Variants in PTK2 observed in about 807,000 individuals in gnomAD.
The protein encoded by PTK2 is focal adhesion kinase 1.
A neutral mutation model predicts 150.1 loss-of-function variants in PTK2; 45 were observed. The observed-to-expected ratio is 0.30, with a 90% CI of 0.24 to 0.38. PTK2 has a LOEUF of 0.38. Among genes scored for constraint, PTK2 ranks in the 10% least tolerant of loss-of-function variants. PTK2 has a pLI of 1.00. For synonymous variants in PTK2, 432 were observed against 449.2 expected (o/e 0.96, Z 0.48); for missense variants, 919 against 1,307.3 (o/e 0.70, Z 4.58).
chr8:140,958,611 T>C (rs772105674), intron 1 of PTK2, among the ~76,000 whole-genome samples: 3 of 152,254 alleles, frequency 2.0e-5, no homozygotes, highest in African/African-American at 4.8e-5. Context: ...TAAGGAGCAC[T>C]TGAAATGTAA....
intron 27 of PTK2, among the ~76,000 whole-genome samples, chr8:140,684,398 C>T (rs891447404): frequency 3.9e-5 from 6 of 152,234 alleles, no homozygotes; most frequent in Admixed American, 1.3e-4. Flanking sequence ...GGCATTAATG[C>T]GGGCTAGCCC....
At chr8:140,723,269 T>C (rs1161798362) in intron 22 of PTK2, among the ~76,000 whole-genome samples, 1 of 152,246 alleles carries the variant, frequency 6.6e-6, no homozygotes, top group African/African-American at 2.4e-5. Context: ...ATAGACACTT[T>C]GATATTTAAT....
intron 12 of PTK2, among the ~76,000 whole-genome samples, chr8:140,795,761 T>C (rs918096684): frequency 2.0e-5 from 3 of 152,230 alleles, no homozygotes; most frequent in Non-Finnish European, 4.4e-5. Flanking sequence ...AAGCATGCAG[T>C]GTTTGGTCTG....
At chr8:140,913,929 A>G (rs2100164188) in intron 2 of PTK2, among the ~76,000 whole-genome samples, 1 of 152,226 alleles carries the variant, frequency 6.6e-6, no homozygotes, top group Non-Finnish European at 1.5e-5. Flanking sequence ...GAGAATAAGA[A>G]CGTGGAAAAT....
At chr8:140,964,866 C>G (rs1311229301) in intron 1 of PTK2, among the ~76,000 whole-genome samples, 3 of 152,076 alleles carry the variant, frequency 2.0e-5, no homozygotes, top group African/African-American at 7.2e-5. Context: ...CTTGCTTGCC[C>G]TTAATGAGTT....
intron 3 of PTK2, among the ~76,000 whole-genome samples, chr8:140,882,948 A>G (rs1373304838): frequency 6.6e-6 from 1 of 152,230 alleles, no homozygotes; most frequent in East Asian, 1.9e-4. Flanking sequence ...TAATCTTATG[A>G]TGATCAATTT....
At chr8:140,693,670 T>G (rs919199988) in intron 26 of PTK2, among the ~76,000 whole-genome samples, 1 of 147,806 alleles carries the variant, frequency 6.8e-6, no homozygotes, top group South Asian at 2.2e-4. Flanking sequence ...GCATCCGGGC[T>G]GCTATCATAA....
At chr8:140,902,933 T>TTTTG (rs1568514334) in intron 2 of PTK2, among the ~76,000 whole-genome samples, 10 of 108,802 alleles carry the variant, frequency 9.2e-5, no homozygotes, top group Non-Finnish European at 1.3e-4. Context: ...TGTTTTTTTT[T>TTTTG]TTTTTTTTTT....
chr8:140,686,202 C>T (rs1472666012), intron 27 of PTK2, among the ~76,000 whole-genome samples: 1 of 152,028 alleles, frequency 6.6e-6, no homozygotes, highest in Non-Finnish European at 1.5e-5. Flanking sequence ...TACACACGGA[C>T]ACAATGAAGG....
intron 26 of PTK2, among the ~76,000 whole-genome samples, chr8:140,690,006 G>A (rs1428669269): frequency 1.3e-5 from 2 of 152,178 alleles, no homozygotes; most frequent in Non-Finnish European, 2.9e-5. Context: ...AGGCTGGAGT[G>A]CAGTGGCATG....
At chr8:140,720,121 C>T (rs2100042071) in intron 22 of PTK2, among the ~76,000 whole-genome samples, 2 of 152,032 alleles carry the variant, frequency 1.3e-5, no homozygotes, top group African/African-American at 4.8e-5. Flanking sequence ...ACACCAAGCA[C>T]ATAATGTTTG....
intron 4 of PTK2, among the ~76,000 whole-genome samples, chr8:140,878,871 G>A (rs544648868): frequency 1.3e-5 from 2 of 151,618 alleles, no homozygotes; most frequent in Admixed American, 1.3e-4. Flanking sequence ...AATTAGTAGG[G>A]GAGACCAGAA....
intron 3 of PTK2, among the ~76,000 whole-genome samples, chr8:140,888,481 T>C (rs1364018494): frequency 6.6e-6 from 1 of 152,194 alleles, no homozygotes. Flanking sequence ...CCAATTACTG[T>C]GAAATAAAAC....
rs184051195 is a variant in PTK2, at chr8:140,922,811, C to A, written c.-33+2850G>T. Among the ~76,000 whole-genome samples, 25 of 152,268 alleles carry A rather than the reference C, an allele frequency of 1.6e-4. 1 individual carries two copies. The East Asian group carries it at 4.8e-3, about 29-fold the overall frequency. On this transcript the variant is annotated intron_variant, in intron 2 of 31. Transcript: ENST00000522684. ...AGGAAGAGGTACAGGAGTTACCAAG[C>A]CCACTCGGTCATCTACGATGCCAGG...
chr8:140,682,033 T>G (rs2100017292), intron 27 of PTK2, among the ~76,000 whole-genome samples: 1 of 152,206 alleles, frequency 6.6e-6, no homozygotes, highest in Non-Finnish European at 1.5e-5. Flanking sequence ...TTAAAGAGAA[T>G]TTCAGGCATT....
At chr8:140,901,855 T>C (rs2100158613) in intron 2 of PTK2, among the ~76,000 whole-genome samples, 1 of 151,996 alleles carries the variant, frequency 6.6e-6, no homozygotes. Flanking sequence ...CCCCTCCCTG[T>C]GTCCATGTGT....
At chr8:140,911,706 C>A (rs551634946) in intron 2 of PTK2, among the ~76,000 whole-genome samples, 1 of 151,100 alleles carries the variant, frequency 6.6e-6, no homozygotes, top group Admixed American at 6.6e-5. Context: ...TTAATACTAC[C>A]CCACCGAAAG....
chr8:140,948,391 T>C (rs778887369), intron 1 of PTK2, among the ~76,000 whole-genome samples: 3 of 152,050 alleles, frequency 2.0e-5, no homozygotes, highest in Non-Finnish European at 4.4e-5. Context: ...ATGCTGGAAC[T>C]GGGGGGAAGG....
intron 1 of PTK2, among the ~76,000 whole-genome samples, chr8:140,967,446 T>G (rs2154609552): frequency 7.5e-6 from 1 of 133,874 alleles, no homozygotes; most frequent in East Asian, 2.2e-4. Context: ...CCAGTATTTC[T>G]TTCTTTCTTT....
Sources: allele counts gnomAD v4.1 joint callset (sites outside exome capture counted in the v4.1 genomes callset), GRCh38; gene constraint gnomAD v4.1.1; transcripts MANE v1.5; gene names NCBI Gene and HGNC (gene_info 2026-07-23, HGNC 2026-07-21).